Variants in TMEM202 observed in about 807,000 individuals in gnomAD.
The protein encoded by TMEM202 is transmembrane protein 202.
In TMEM202, 25 loss-of-function variants were observed where a neutral mutation model predicts 26.1. The ratio of observed to expected loss-of-function variants is 0.96; its 90% confidence interval spans 0.70 to 1.34. The LOEUF (loss-of-function observed/expected upper bound fraction) is 1.34. Among genes scored for constraint, TMEM202 ranks in the 40% most tolerant of loss-of-function variants. TMEM202 has a pLI of 0.00. For missense variants in TMEM202, 301 were observed against 327.7 expected (o/e 0.92, Z 0.63); for synonymous variants, 122 against 119.0 (o/e 1.02, Z -0.16).
chr15:72,402,406 A>G (rs2063551860), intron 2 of TMEM202, among the ~76,000 whole-genome samples: 1 of 152,032 alleles, frequency 6.6e-6, no homozygotes, highest in Admixed American at 6.6e-5. Flanking sequence ...GGGCTATCTC[A>G]GGTGTGTTTA....
In TMEM202 at chr15:72,406,711, C is replaced by T; in HGVS notation, c.447C>T (p.Thr149=). Residue 149 remains threonine, a synonymous_variant, in exon 3 of 5, where the codon ACC becomes ACT. Coordinates refer to ENST00000341689, the MANE Select transcript of TMEM202 (RefSeq NM_001080462.3). The part of the protein sequence containing the change: ...SWILNRGSMT[T]NLDLKVSMLS... ...TCCTTAATCGAGGAAGCATGACCAC[C>T]AACTTGGATCTGAAGGTATCCATGC... 6.2e-7 allele frequency: 1 copy of T among 1,614,146 alleles called. No homozygotes were observed. The highest frequency in any genetic ancestry group is 8.5e-7 in the Non-Finnish European group (1 of 1,180,004).
intron 2 of TMEM202, among the ~76,000 whole-genome samples, chr15:72,403,321 A>G (rs371957061): frequency 7.9e-5 from 12 of 152,194 alleles, no homozygotes; most frequent in African/African-American, 2.9e-4. Context: ...AATCTTACCA[A>G]GTTTTTCAGA....
At chr15:72,404,568 C>T (rs1158799586) in intron 2 of TMEM202, among the ~76,000 whole-genome samples, 1 of 152,130 alleles carries the variant, frequency 6.6e-6, no homozygotes, top group Non-Finnish European at 1.5e-5. Flanking sequence ...TCTACAGTCA[C>T]TTTGTCATTC....
intron 3 of TMEM202, 89 bp from the exon 4 acceptor site, chr15:72,406,997 A>G (rs2063575112): frequency 3.3e-6 from 5 of 1,509,890 alleles, no homozygotes; most frequent in Non-Finnish European, 2.7e-6. Context: ...CGCTATACAT[A>G]TGGCCTCTGG....
intron 2 of TMEM202, among the ~76,000 whole-genome samples, chr15:72,406,359 T>C (rs896338473): frequency 6.6e-6 from 1 of 152,236 alleles, no homozygotes; most frequent in African/African-American, 2.4e-5. Flanking sequence ...TAATCTGTTT[T>C]GTCATTGGTG....
rs1390451200 is a variant in TMEM202, at chr15:72,407,174, C to T, written c.576C>T (p.Thr192=). 2 of 1,613,634 alleles carry T rather than the reference C, an allele frequency of 1.2e-6. No homozygotes were observed. The highest frequency in any genetic ancestry group is 8.5e-7 in the Non-Finnish European group (1 of 1,179,776). ...RDAMESDLLW[T]YYLNWCSDIF... Reference sequence around the variant, plus strand: ...CCATGGAGTCAGATCTCCTATGGACCTATTATCTTAACTGGTGCAGTGACA... The same window carrying T: ...CCATGGAGTCAGATCTCCTATGGACTTATTATCTTAACTGGTGCAGTGACA... The change falls in exon 4 of 5, where the codon ACC becomes ACT. Residue 192 remains threonine, a synonymous_variant. Coordinates refer to ENST00000341689, the MANE Select transcript of TMEM202 (RefSeq NM_001080462.3).
At chr15:72,398,929 T>A in intron 2 of TMEM202, 21 bp downstream of exon 2, 4 of 1,595,282 alleles carry the variant, frequency 2.5e-6, no homozygotes, top group Non-Finnish European at 3.4e-6. Context: ...CCGAATTAAA[T>A]GCCACAGGCC....
At chr15:72,405,087 A>G (rs2063564881) in intron 2 of TMEM202, among the ~76,000 whole-genome samples, 1 of 152,206 alleles carries the variant, frequency 6.6e-6, no homozygotes, top group African/African-American at 2.4e-5. Context: ...CATATTAGTA[A>G]GTGGCAGGTT....
chr15:72,408,009 C>A lies in TMEM202; in HGVS notation c.*116C>A. On this transcript the variant is annotated 3_prime_UTR_variant, in exon 5 of 5. Coordinates refer to ENST00000341689, the MANE Select transcript of TMEM202 (RefSeq NM_001080462.3). The stretch of plus-strand genomic sequence containing the variant: ...ATGTCCATATTACTTGAGGAGACAG[C>A]ATTAAAGCTGATGAAATGTCTTTTG... 1 of 778,720 alleles carries A rather than the reference C, an allele frequency of 1.3e-6. No individual in the cohort carries two copies. The highest frequency in any genetic ancestry group is 1.8e-5 in the South Asian group (1 of 54,706). 48.2% of individuals were successfully genotyped at this position (778,720 alleles called of 1,614,324 possible). A position where few individuals can be genotyped will look rare whatever the true frequency, so the allele number is the denominator to read the frequency against.
In TMEM202 at chr15:72,406,680, C is replaced by T. The variant is rs2063573260; in HGVS notation, c.416C>T (p.Ser139Phe). ...ILTGLGWLFS[S>F]WILNRGSMTT... is the part of the protein sequence containing the mutation. ...ACTGGCCTTGGCTGGCTCTTCAGCT[C>T]TTGGATCCTTAATCGAGGAAGCATG... The change falls in exon 3 of 5, where the codon TCT becomes TTT. Residue 139 changes from serine (S) to phenylalanine (F), a missense_variant. Physicochemically the swap from Ser to Phe is radical, Grantham distance 155. Coordinates refer to ENST00000341689, the MANE Select transcript of TMEM202 (RefSeq NM_001080462.3). 6.2e-7 allele frequency: 1 copy of T among 1,614,014 alleles called. No individual in the cohort carries two copies. The highest frequency in any genetic ancestry group is 1.3e-5 in the African/African-American group (1 of 74,910).
chr15:72,398,515 G>GTT, intron 1 of TMEM202, 108 bp downstream of exon 1: 1 of 1,378,686 alleles, frequency 7.3e-7, no homozygotes. Context: ...AAAATTGTGG[G>GTT]GTTTTTTTTT....
chr15:72,399,009 C>A (rs2063535517), intron 2 of TMEM202, 101 bp downstream of exon 2: 3 of 1,395,280 alleles, frequency 2.2e-6, no homozygotes, highest in South Asian at 1.4e-5. Context: ...GATCTTTTGG[C>A]CTTCACCTCT....
Position 72,408,023 on chromosome 15 carries a change from A to C in TMEM202, c.*130A>C. The C allele has an allele frequency of 1.4e-6, 1 of 716,896 alleles. No individual in the cohort carries two copies. Among genetic ancestry groups the C allele is most frequent in the Non-Finnish European group, 2.3e-6 (1 of 440,370 alleles). 44.4% of individuals were successfully genotyped at this position (716,896 alleles called of 1,614,324 possible). On this transcript the variant is annotated 3_prime_UTR_variant, in exon 5 of 5. Coordinates refer to ENST00000341689, the MANE Select transcript of TMEM202 (RefSeq NM_001080462.3). ...TGAGGAGACAGCATTAAAGCTGATG[A>C]AATGTCTTTTGCGTGCATTGGATCC...
At chr15:72,399,516 G>A (rs570826133) in intron 2 of TMEM202, among the ~76,000 whole-genome samples, 2 of 152,316 alleles carry the variant, frequency 1.3e-5, no homozygotes, top group South Asian at 4.1e-4. Flanking sequence ...AGAATTAGAA[G>A]AGAAGTGATT....
At chr15:72,405,340 G>A (rs895730211) in intron 2 of TMEM202, among the ~76,000 whole-genome samples, 4 of 152,176 alleles carry the variant, frequency 2.6e-5, no homozygotes, top group African/African-American at 7.2e-5. Context: ...TGGTAGCTCA[G>A]AAAAGCTATA....
chr15:72,401,073 A>C (rs977838218), intron 2 of TMEM202, among the ~76,000 whole-genome samples: 3 of 152,162 alleles, frequency 2.0e-5, no homozygotes, highest in Non-Finnish European at 4.4e-5. Flanking sequence ...ATCAGAGGTC[A>C]CTTTTGTTGC....
intron 2 of TMEM202, among the ~76,000 whole-genome samples, chr15:72,400,923 T>G (rs1205655691): frequency 6.6e-6 from 1 of 152,240 alleles, no homozygotes; most frequent in African/African-American, 2.4e-5. Flanking sequence ...TTCCCGGAAC[T>G]AAGGGTTTCT....
At chr15:72,400,434 T>C (rs2063542535) in intron 2 of TMEM202, among the ~76,000 whole-genome samples, 1 of 152,224 alleles carries the variant, frequency 6.6e-6, no homozygotes, top group South Asian at 2.1e-4. Context: ...TGATTAGGTG[T>C]ATCCAGAGAC....
At position 72,407,930 on chromosome 15, in the gene TMEM202, G is replaced by A. The variant is rs545700766; in HGVS notation, c.*37G>A. On this transcript the variant is annotated 3_prime_UTR_variant, in exon 5 of 5. Transcript: ENST00000341689. ...AACTATAGCTTGTCTTAAAAGCAGG[G>A]GAGAAGCTGAGTTGGGAATGGTCAC... 11 of 1,566,034 alleles carry A rather than the reference G, an allele frequency of 7.0e-6. No homozygotes were observed. In the South Asian group the frequency reaches 1.1e-4, roughly 16 times the overall value.
Sources: allele counts gnomAD v4.1 joint callset (sites outside exome capture counted in the v4.1 genomes callset), GRCh38; gene constraint gnomAD v4.1.1; transcripts MANE v1.5; gene names NCBI Gene and HGNC (gene_info 2026-07-23, HGNC 2026-07-21).